BAZ1A: variants seen among roughly 807,000 people sequenced by gnomAD.
BAZ1A encodes the protein bromodomain adjacent to zinc finger domain protein 1A.
In BAZ1A, 50 loss-of-function variants were observed where a neutral mutation model predicts 185.2. That is an observed-to-expected ratio of 0.27 (90% CI 0.22 to 0.34). The LOEUF (loss-of-function observed/expected upper bound fraction) is 0.34, where lower values mean the gene tolerates loss of function less well. Ranked by LOEUF, BAZ1A falls within the 10% of genes least tolerant of loss-of-function variation. BAZ1A has a pLI of 1.00. For missense variants in BAZ1A, 1,356 were observed against 1,839.9 expected (o/e 0.74, Z 4.81); for synonymous variants, 571 against 615.6 (o/e 0.93, Z 1.07).
At chr14:34,770,857 T>C (rs1291485007) in intron 21 of BAZ1A, among the ~76,000 whole-genome samples, 1 of 152,184 alleles carries the variant, frequency 6.6e-6, no homozygotes, top group Non-Finnish European at 1.5e-5. Context: ...ATATAGCATG[T>C]GGGTGACTCA....
At chr14:34,782,931 TGG>T (rs1880140439) in intron 16 of BAZ1A, among the ~76,000 whole-genome samples, 186 bp downstream of exon 16, 1 of 152,222 alleles carries the variant, frequency 6.6e-6, no homozygotes. Context: ...CCTGTGATAT[TGG>T]TGGAGGGGAC....
At chr14:34,860,322 A>G (rs1353215471) in intron 3 of BAZ1A, among the ~76,000 whole-genome samples, 3 of 152,016 alleles carry the variant, frequency 2.0e-5, no homozygotes, top group Non-Finnish European at 4.4e-5. Flanking sequence ...TGCTGGGGCA[A>G]CATGGTGAAA....
chr14:34,819,405 G>A (rs2042053619), intron 4 of BAZ1A, among the ~76,000 whole-genome samples: 1 of 151,994 alleles, frequency 6.6e-6, no homozygotes, highest in South Asian at 2.1e-4. Flanking sequence ...TCCTTTTACT[G>A]TCTCCATAGC....
At chr14:34,780,352 T>C in intron 16 of BAZ1A, 42 bp from the exon 17 acceptor site, 1 of 1,555,738 alleles carries the variant, frequency 6.4e-7, no homozygotes, top group Non-Finnish European at 8.7e-7. Flanking sequence ...AATGAATATA[T>C]AATTCCATTT....
At chr14:34,767,701 A>T (rs1959150) in intron 21 of BAZ1A, among the ~76,000 whole-genome samples, 115,072 of 152,098 alleles carry the variant, frequency 0.76, 44,604 homozygotes, top group East Asian at 0.97. Context: ...AGGAATGAGG[A>T]AGCACGAATA....
At chr14:34,778,772 A>G (rs1315883838) in intron 17 of BAZ1A, among the ~76,000 whole-genome samples, 1 of 152,198 alleles carries the variant, frequency 6.6e-6, no homozygotes, top group Non-Finnish European at 1.5e-5. Flanking sequence ...CCCTCTTTAT[A>G]AAAATCAATT....
intron 6 of BAZ1A, among the ~76,000 whole-genome samples, chr14:34,806,258 T>C (rs1002116437): frequency 1.3e-5 from 2 of 152,186 alleles, no homozygotes; most frequent in Non-Finnish European, 1.5e-5. Context: ...AGGAGCTGAT[T>C]TGTGACAAAT....
chr14:34,827,315 CCT>C (rs1172854462), intron 3 of BAZ1A, among the ~76,000 whole-genome samples: 2 of 152,114 alleles, frequency 1.3e-5, no homozygotes, highest in Non-Finnish European at 2.9e-5. Context: ...TTGTTCAGAT[CCT>C]CTATTTCTTA....
intron 3 of BAZ1A, among the ~76,000 whole-genome samples, chr14:34,854,197 C>A (rs1465458070): frequency 6.6e-6 from 1 of 152,074 alleles, no homozygotes; most frequent in Non-Finnish European, 1.5e-5. Context: ...GAGGCCAAGA[C>A]GGGTGGATCA....
At chr14:34,768,860 T>C (rs779942056) in intron 21 of BAZ1A, 1 of 277,710 alleles carries the variant, frequency 3.6e-6, no homozygotes, top group Non-Finnish European at 7.1e-6. Flanking sequence ...ACTTTAAAAA[T>C]AACAGAATTA....
chr14:34,799,617 A>T (rs1225012736), intron 9 of BAZ1A, among the ~76,000 whole-genome samples: 8 of 146,152 alleles, frequency 5.5e-5, no homozygotes, highest in African/African-American at 1.0e-4. Flanking sequence ...AACATTATTC[A>T]TTTTTTTTTT....
chr14:34,761,645 C>G (rs1886525357), intron 24 of BAZ1A, 112 bp downstream of exon 24: 2 of 925,528 alleles, frequency 2.2e-6, no homozygotes, highest in Non-Finnish European at 3.3e-6. Context: ...TCCCTAATAA[C>G]TTTGTGTATC....
rs764340514 is a variant in BAZ1A at position 34,765,138 on chromosome 14, T to C, written c.3432A>G (p.Lys1144=). Residue 1144 remains lysine (K), a synonymous_variant, in exon 22 of 27, where the codon AAA becomes AAG. Transcript: ENST00000360310. ...TCTTGCAACGCGCATTCAGTATAGA[T>C]TTAGACCATATCACGCTACGATCCA... ...STLDRSVIWS[K]SILNARCKIC... 5 of 1,614,130 alleles carry C rather than the reference T, an allele frequency of 3.1e-6. No individual in the cohort carries two copies. Among genetic ancestry groups the C allele is most frequent in the Middle Eastern group, 1.6e-4 (1 of 6,062 alleles).
intron 4 of BAZ1A, 97 bp from the exon 5 acceptor site, chr14:34,811,133 C>G: frequency 1.1e-6 from 1 of 875,460 alleles, no homozygotes. Context: ...ATAATAAAAT[C>G]ACATATTTCA....
chr14:34,872,913 TAAAA>T (rs35955993), intron 2 of BAZ1A, among the ~76,000 whole-genome samples: 97 of 76,188 alleles, frequency 1.3e-3, no homozygotes, highest in African/African-American at 6.2e-3. Context: ...TTTAAAATCC[TAAAA>T]AAAAAAAAAA....
At chr14:34,757,126 A>G (rs182978475) in intron 25 of BAZ1A, among the ~76,000 whole-genome samples, 26 of 152,294 alleles carry the variant, frequency 1.7e-4, no homozygotes, top group African/African-American at 5.8e-4. Flanking sequence ...GCACTTTGGG[A>G]GGCCAAGACA....
intron 3 of BAZ1A, chr14:34,828,768 A>G (rs999252338): frequency 6.6e-6 from 1 of 152,170 alleles, no homozygotes; most frequent in African/African-American, 2.4e-5. Flanking sequence ...GTTTTTATCT[A>G]TCTCTAGCTT....
chr14:34,853,476 T>C (rs2042627892), intron 3 of BAZ1A, among the ~76,000 whole-genome samples: 1 of 152,182 alleles, frequency 6.6e-6, no homozygotes. Context: ...AAGCTATACT[T>C]GTAAAGATGC....
chr14:34,833,223 A>G (rs1021944409), intron 3 of BAZ1A, among the ~76,000 whole-genome samples: 14 of 151,900 alleles, frequency 9.2e-5, no homozygotes, highest in African/African-American at 2.7e-4. Flanking sequence ...AAAGAAAAAC[A>G]AACAAACAAA....
Sources: allele counts gnomAD v4.1 joint callset (sites outside exome capture counted in the v4.1 genomes callset), GRCh38; gene constraint gnomAD v4.1.1; transcripts MANE v1.5; gene names NCBI Gene and HGNC (gene_info 2026-07-23, HGNC 2026-07-21).